Variants in GLRA2 observed in about 807,000 individuals in gnomAD.
GLRA2 encodes glycine receptor subunit alpha-2.
GLRA2 carries 11 observed loss-of-function variants against 31.6 expected under a neutral mutation model. The observed-to-expected ratio is 0.35, with a 90% CI of 0.22 to 0.58. The LOEUF is 0.58. GLRA2 is among the 20% of genes least tolerant of loss of function. GLRA2 has a pLI of 0.84. For missense variants in GLRA2, 212 were observed against 351.8 expected (o/e 0.60, Z 3.18); for synonymous variants, 132 against 134.0 (o/e 0.99, Z 0.10).
At chrX:14,490,664 C>T in the GLRA2 span, among the ~76,000 whole-genome samples, 5 of 111,593 alleles carry the variant, frequency 4.5e-5, no homozygotes, top group Non-Finnish European at 9.4e-5. Flanking sequence ...ATCTTCATGG[C>T]TGGATGAAAC....
the GLRA2 span, among the ~76,000 whole-genome samples, chrX:14,461,823 G>T: frequency 8.9e-6 from 1 of 112,061 alleles, no homozygotes; most frequent in Non-Finnish European, 1.9e-5. Context: ...CTGTGTCTTT[G>T]AATTGGAGCA....
chrX:14,677,205 CT>C (rs3216383), intron 7 of GLRA2, among the ~76,000 whole-genome samples: 26 of 106,558 alleles, frequency 2.4e-4, no homozygotes, highest in East Asian at 1.5e-3. Context: ...TTTTAGTTGT[CT>C]TTTTTTTTTG....
intron 7 of GLRA2, among the ~76,000 whole-genome samples, chrX:14,640,814 T>A (rs2090764414): frequency 9.0e-6 from 1 of 111,369 alleles, no homozygotes; most frequent in Admixed American, 9.6e-5. Flanking sequence ...ATGTATTAAA[T>A]CTTCTATGAA....
At chrX:14,512,315 TACTG>T in the GLRA2 span, among the ~76,000 whole-genome samples, 1 of 111,621 alleles carries the variant, frequency 9.0e-6, no homozygotes, top group Admixed American at 9.5e-5. Flanking sequence ...GCCATCATAA[TACTG>T]AATGGGGAAA....
At chrX:14,502,306 A>T in the GLRA2 span, among the ~76,000 whole-genome samples, 219 of 112,418 alleles carry the variant, frequency 1.9e-3, 2 homozygotes, top group African/African-American at 6.1e-3. Flanking sequence ...GGATGTCCAA[A>T]GTGCCTGACT....
the GLRA2 span, among the ~76,000 whole-genome samples, chrX:14,503,124 A>G: frequency 3.6e-5 from 4 of 111,511 alleles, no homozygotes; most frequent in Non-Finnish European, 7.5e-5. Context: ...TTAGTTCACA[A>G]ATACAGAATC....
At chrX:14,479,313 G>A in the GLRA2 span, among the ~76,000 whole-genome samples, 3 of 111,962 alleles carry the variant, frequency 2.7e-5, no homozygotes, top group Non-Finnish European at 3.8e-5. Context: ...ATTTAACATT[G>A]CAGAACCAGA....
chrX:14,456,874 A>G, the GLRA2 span, among the ~76,000 whole-genome samples: 1 of 112,185 alleles, frequency 8.9e-6, no homozygotes, highest in African/African-American at 3.2e-5. Flanking sequence ...ATATGTACCC[A>G]GTAGTGAGAT....
intron 7 of GLRA2, among the ~76,000 whole-genome samples, chrX:14,663,712 C>A (rs1338696328): frequency 9.0e-6 from 1 of 111,490 alleles, no homozygotes; most frequent in African/African-American, 3.2e-5. Context: ...GTTAATTTAT[C>A]TAAGGAGAAA....
intron 7 of GLRA2, among the ~76,000 whole-genome samples, chrX:14,619,550 C>T (rs1473472814): frequency 1.9e-5 from 2 of 105,042 alleles, no homozygotes; most frequent in Non-Finnish European, 4.0e-5. Flanking sequence ...ATGTTCTGCC[C>T]TCAGATAGCC....
chrX:14,593,518 G>T (rs2090166955), intron 4 of GLRA2, among the ~76,000 whole-genome samples: 1 of 112,353 alleles, frequency 8.9e-6, no homozygotes, highest in African/African-American at 3.2e-5. Context: ...TCAGATGAAG[G>T]ATAGAAAGCA....
chrX:14,562,145 G>A (rs1316056267), intron 2 of GLRA2, among the ~76,000 whole-genome samples: 2 of 112,228 alleles, frequency 1.8e-5, no homozygotes, highest in Non-Finnish European at 3.8e-5. Context: ...TTGGAGAAAG[G>A]GAGGGTGACA....
chrX:14,504,826 T>C, the GLRA2 span, among the ~76,000 whole-genome samples: 1 of 111,895 alleles, frequency 8.9e-6, no homozygotes, highest in African/African-American at 3.2e-5. Context: ...GCATAAAATA[T>C]ATTGTTGATG....
At chrX:14,475,736 TAAA>T in the GLRA2 span, among the ~76,000 whole-genome samples, 2 of 111,541 alleles carry the variant, frequency 1.8e-5, no homozygotes, top group African/African-American at 3.3e-5. Context: ...ACAGATGACT[TAAA>T]AATGATTTTG....
At chrX:14,534,505 T>C (rs1382988814) in intron 2 of GLRA2, among the ~76,000 whole-genome samples, 1 of 110,886 alleles carries the variant, frequency 9.0e-6, no homozygotes, top group African/African-American at 3.3e-5. Context: ...CCCATTATTT[T>C]AGACTACAAT....
chrX:14,608,745 T>C (rs986393255), intron 6 of GLRA2, among the ~76,000 whole-genome samples: 3 of 111,028 alleles, frequency 2.7e-5, no homozygotes, highest in Non-Finnish European at 3.8e-5. Context: ...TTTATGGTTT[T>C]GGTCCAGTGA....
intron 3 of GLRA2, among the ~76,000 whole-genome samples, chrX:14,580,432 T>A (rs750651029): frequency 1.8e-5 from 2 of 111,065 alleles, no homozygotes; most frequent in Non-Finnish European, 3.8e-5. Flanking sequence ...TGAGTAGAAG[T>A]CCCCAGAAGA....
At chrX:14,472,606 C>A in the GLRA2 span, among the ~76,000 whole-genome samples, 2 of 111,255 alleles carry the variant, frequency 1.8e-5, no homozygotes, top group Non-Finnish European at 3.8e-5. Context: ...CATTCAGCTC[C>A]CACTAATACG....
chrX:14,648,648 C>T (rs1037879177), intron 7 of GLRA2, among the ~76,000 whole-genome samples: 3 of 111,593 alleles, frequency 2.7e-5, no homozygotes, highest in African/African-American at 9.8e-5. Flanking sequence ...CTCTTAAAAA[C>T]AATGGGCCAA....
Sources: allele counts gnomAD v4.1 joint callset (sites outside exome capture counted in the v4.1 genomes callset), GRCh38; gene constraint gnomAD v4.1.1; transcripts MANE v1.5; gene names NCBI Gene and HGNC (gene_info 2026-07-23, HGNC 2026-07-21).